The following ATP12A variants were observed in gnomAD, a reference collection of about 807,000 sequenced individuals.
The protein encoded by ATP12A is ATPase H+/K+ transporting non-gastric alpha2 subunit.
Under a neutral mutation model 111.2 loss-of-function variants are expected in ATP12A, and 81 were observed. The ratio of observed to expected loss-of-function variants is 0.73; its 90% confidence interval spans 0.61 to 0.88. The LOEUF is 0.88. Among genes scored for constraint, ATP12A ranks in the 40% least tolerant of loss-of-function variants. The pLI is 0.00. For synonymous variants in ATP12A, 498 were observed against 499.8 expected (o/e 1.00, Z 0.05); for missense variants, 1,196 against 1,313.1 (o/e 0.91, Z 1.38).
intron 17 of ATP12A, among the ~76,000 whole-genome samples, chr13:24,708,700 C>A (rs1875772368): frequency 6.6e-6 from 1 of 151,572 alleles, no homozygotes; most frequent in African/African-American, 2.4e-5. Context: ...CACAGAGAGA[C>A]CTAGTCTCTT....
intron 1 of ATP12A, 149 bp downstream of exon 1, chr13:24,680,901 C>T (rs1874405754): frequency 1.5e-6 from 2 of 1,307,338 alleles, no homozygotes; most frequent in Non-Finnish European, 2.0e-6. Flanking sequence ...TCTGAGCGCC[C>T]CCCGGCCTGG....
At position 24,688,356 on chromosome 13, in the gene ATP12A, G is replaced by T; in HGVS notation, c.266G>T (p.Arg89Leu). ...ACCAGAGCTGCCGAGCTCCTGGCCC[G>T]GGATGGGCCCAACTCCCTCACCCCT... ...SSTRAAELLARDGPNSLTPPK... is the reference protein window; with the variant it reads ...SSTRAAELLALDGPNSLTPPK... The change falls in exon 4 of 23, where the codon CGG (arginine) becomes CTG (leucine). Residue 89 changes from arginine (R) to leucine (L), a missense_variant. Transcript: ENST00000381946. The T allele has an allele frequency of 6.2e-7, 1 of 1,613,970 alleles. No homozygotes were observed. The highest frequency in any genetic ancestry group is 1.1e-5 in the South Asian group (1 of 91,018).
chr13:24,688,441 C>G lies in ATP12A; in HGVS notation c.351C>G (p.Ile117Met), dbSNP rs754982932. ...AGCAGATGGTGGGGGGGTTCTCTATCCTCCTGTGGGTGGGCGCCTTTCTCT... is the reference window on the plus strand; with the variant it reads ...AGCAGATGGTGGGGGGGTTCTCTATGCTCCTGTGGGTGGGCGCCTTTCTCT... Reference protein sequence around the residue: ...FLKQMVGGFSILLWVGAFLCW... With the variant: ...FLKQMVGGFSMLLWVGAFLCW... Residue 117 changes from isoleucine (I) to methionine (M), a missense_variant, in exon 4 of 23, where the codon ATC becomes ATG. Ile to Met is a conservative substitution (Grantham distance 10, BLOSUM62 1). Around this residue, in one of 3 missense-constraint regions of ATP12A, gnomAD observed 1,126 missense variants for 1,228.5 expected, o/e 0.92. Coordinates refer to ENST00000381946, the MANE Select transcript of ATP12A (RefSeq NM_001676.7). 6.2e-7 allele frequency: 1 copy of G among 1,614,112 alleles called. No homozygotes were observed. The highest frequency in any genetic ancestry group is 8.5e-7 in the Non-Finnish European group (1 of 1,180,006).
chr13:24,688,084 T>G (rs745521591), intron 3 of ATP12A, among the ~76,000 whole-genome samples: 3 of 152,116 alleles, frequency 2.0e-5, no homozygotes, highest in Non-Finnish European at 4.4e-5. Flanking sequence ...TTTTAAAGAC[T>G]AAATGAGTGA....
chr13:24,708,735 A>C (rs565699156), intron 17 of ATP12A, among the ~76,000 whole-genome samples: 1 of 151,868 alleles, frequency 6.6e-6, no homozygotes, highest in Non-Finnish European at 1.5e-5. Context: ...AAGAACAAAT[A>C]AAATAAAAAT....
intron 8 of ATP12A, 114 bp downstream of exon 8, chr13:24,691,364 C>A: frequency 7.8e-7 from 1 of 1,280,110 alleles, no homozygotes; most frequent in Non-Finnish European, 1.1e-6. Flanking sequence ...CACGCCCTCC[C>A]CGCCAGCGAC....
At chr13:24,701,550 A>G (rs1469111650) in intron 13 of ATP12A, among the ~76,000 whole-genome samples, 1 of 152,162 alleles carries the variant, frequency 6.6e-6, no homozygotes, top group East Asian at 1.9e-4. Flanking sequence ...AAAAAAAGAA[A>G]GAAAAAAGGC....
chr13:24,681,341 G>T (rs577082211), intron 1 of ATP12A, among the ~76,000 whole-genome samples: 1 of 152,196 alleles, frequency 6.6e-6, no homozygotes, highest in Admixed American at 6.5e-5. Flanking sequence ...GCTGGCCTGT[G>T]CCCACCCCGC....
chr13:24,698,643 TTCATTCCTTCCCAGC>T lies in ATP12A; in HGVS notation c.1513-12_1515del, dbSNP rs1170892916. 1 of 1,611,586 alleles carries T rather than the reference TTCATTCCTTCCCAGC, an allele frequency of 6.2e-7. No homozygotes were observed. The highest frequency in any genetic ancestry group is 8.5e-7 in the Non-Finnish European group (1 of 1,179,554). The stretch of plus-strand genomic sequence containing the variant: ...ACCTTTCTGTAAGTAACACGCTCAG[TTCATTCCTTCCCAGC>T]TCTCCATCCACGAGATGGATGACCC... On this transcript the variant is annotated splice_acceptor_variant and splice_polypyrimidine_tract_variant and coding_sequence_variant and intron_variant, in exon 12 of 23. Coordinates refer to ENST00000381946, the MANE Select transcript of ATP12A (RefSeq NM_001676.7). LOFTEE classifies it high-confidence loss of function.
intron 10 of ATP12A, 44 bp from the exon 11 acceptor site, chr13:24,694,400 T>G: frequency 6.2e-7 from 1 of 1,609,656 alleles, no homozygotes; most frequent in Admixed American, 1.7e-5. Flanking sequence ...GCATGTTGGT[T>G]CATTAAATAT....
intron 3 of ATP12A, among the ~76,000 whole-genome samples, chr13:24,687,557 G>A (rs758404120): frequency 6.6e-6 from 1 of 152,216 alleles, no homozygotes; most frequent in Non-Finnish European, 1.5e-5. Context: ...ACCAAAGATC[G>A]TCTGTGGGGG....
chr13:24,701,314 C>A (rs1875382982), intron 13 of ATP12A, among the ~76,000 whole-genome samples: 1 of 151,960 alleles, frequency 6.6e-6, no homozygotes, highest in South Asian at 2.1e-4. Context: ...CCATGGCCAA[C>A]ATGGTGAAAC....
chr13:24,709,676 C>A lies in ATP12A; in HGVS notation c.2618-7C>A. 1 of 1,613,994 alleles carries A rather than the reference C, an allele frequency of 6.2e-7. No individual in the cohort carries two copies. The highest frequency in any genetic ancestry group is 1.3e-5 in the African/African-American group (1 of 75,044). ...GAACCTGTGTCCTATCTCTCTTGTT[C>A]TTTCAGGCCTCATGCAAGCCCTGGG... On this transcript the variant is annotated splice_region_variant and splice_polypyrimidine_tract_variant and intron_variant, in intron 18 of 22. Transcript: ENST00000381946.
At chr13:24,695,856 G>A (rs886732440) in intron 11 of ATP12A, among the ~76,000 whole-genome samples, 3 of 152,028 alleles carry the variant, frequency 2.0e-5, no homozygotes, top group Non-Finnish European at 2.9e-5. Context: ...TGATCTATCC[G>A]CCTTGGCCTC....
chr13:24,690,451 G>C lies in ATP12A; in HGVS notation c.660G>C (p.Val220=). The C allele has an allele frequency of 6.2e-7, 1 of 1,613,850 alleles. No homozygotes were observed. The highest frequency in any genetic ancestry group is 8.5e-7 in the Non-Finnish European group (1 of 1,179,934). Reference sequence around the variant, plus strand: ...ACCAGATCCCTGCAGACATCAGGGTGCTGTCTTCTCAGGGGTGTCGGGTAA... The same window carrying C: ...ACCAGATCCCTGCAGACATCAGGGTCCTGTCTTCTCAGGGGTGTCGGGTAA... ...GGDQIPADIR[V]LSSQGCRVDN... Residue 220 remains valine, a synonymous_variant, in exon 6 of 23, where the codon GTG becomes GTC. Transcript: ENST00000381946.
At chr13:24,701,048 T>A in intron 13 of ATP12A, 126 bp downstream of exon 13, 1 of 1,134,268 alleles carries the variant, frequency 8.8e-7, no homozygotes. Flanking sequence ...CCTATTTTAT[T>A]TCTAGTTTCA....
intron 15 of ATP12A, 85 bp downstream of exon 15, chr13:24,706,548 G>A (rs1221678482): frequency 2.6e-6 from 4 of 1,520,450 alleles, no homozygotes; most frequent in Non-Finnish European, 3.5e-6. Context: ...ACATCAGGCT[G>A]TGGTGCCTTT....
intron 11 of ATP12A, among the ~76,000 whole-genome samples, chr13:24,694,861 T>TCTCA (rs1875069542): frequency 4.7e-5 from 2 of 42,118 alleles, no homozygotes; most frequent in Admixed American, 7.8e-4. Flanking sequence ...TCTCTCTCTC[T>TCTCA]CACACACACA....
At chr13:24,711,245 C>A in intron 21 of ATP12A, 73 bp from the exon 22 acceptor site, 1 of 1,354,266 alleles carries the variant, frequency 7.4e-7, no homozygotes, top group South Asian at 1.3e-5. Flanking sequence ...ACGAGAAGCC[C>A]CATTCCCATT....
Sources: gnomAD v4.1 joint callset for allele counts (sites outside exome capture counted in the v4.1 genomes callset) on GRCh38, gnomAD v4.1.1 for gene constraint, gnomAD v4.1.1 regional missense constraint, MANE v1.5 for transcripts, NCBI Gene and HGNC (gene_info 2026-07-23, HGNC 2026-07-21) for gene names.